The following BEND3 variants were observed in gnomAD, a reference collection of about 807,000 sequenced individuals.
BEND3 encodes BEN domain containing 3, also known as BEN domain-containing protein 3.
Under a neutral mutation model 60.1 loss-of-function variants are expected in BEND3, and 13 were observed. The observed-to-expected ratio is 0.22, with a 90% confidence interval of 0.14 to 0.34. BEND3 has a LOEUF of 0.34. BEND3 is among the 10% of genes least tolerant of loss of function. The probability of loss-of-function intolerance (pLI) is 1.00; values close to 1 mark genes in which losing one functional copy is unlikely to be tolerated. For synonymous variants in BEND3, 497 were observed against 491.5 expected (o/e 1.01, Z -0.15); for missense variants, 896 against 1,138.1 (o/e 0.79, Z 3.06).
intron 3 of BEND3, among the ~76,000 whole-genome samples, chr6:107,089,492 A>G (rs1282194387): frequency 1.3e-5 from 2 of 151,034 alleles, no homozygotes; most frequent in Non-Finnish European, 3.0e-5. Flanking sequence ...AGTCTGAGGC[A>G]GGAGAATGGT....
At chr6:107,071,737 T>C (rs7775862) in intron 3 of BEND3, among the ~76,000 whole-genome samples, 6,029 of 151,666 alleles carry the variant, frequency 0.04, 441 homozygotes, top group African/African-American at 0.14. Flanking sequence ...AAAGTACTCA[T>C]GATAAATCTC....
chr6:107,100,395 G>C (rs1255552424), intron 1 of BEND3, among the ~76,000 whole-genome samples: 3 of 152,128 alleles, frequency 2.0e-5, no homozygotes, highest in Non-Finnish European at 4.4e-5. Context: ...TGCCTCCCGA[G>C]TAGCTGGGAC....
At chr6:107,075,514 T>A (rs1562301596) in intron 3 of BEND3, among the ~76,000 whole-genome samples, 1 of 152,222 alleles carries the variant, frequency 6.6e-6, no homozygotes, top group Admixed American at 6.5e-5. Flanking sequence ...GGCAATTTAT[T>A]CACCATTTAG....
In BEND3 at chr6:107,067,452, A is replaced by G. The variant is rs1554230994; in HGVS notation, c.*1252T>C. On this transcript the variant is annotated 3_prime_UTR_variant, in exon 4 of 4. Coordinates refer to ENST00000369042, the MANE Select transcript of BEND3 (RefSeq NM_001367314.1). ...TGCAGCTGGCCTGCAGGAGCCTGAC[A>G]TTCCCAGTCGGGAGGGAACGAAGAC... The G allele has an allele frequency of 1.3e-5, 2 of 152,270 alleles. No homozygotes were observed. The highest frequency in any genetic ancestry group is 4.8e-5 in the African/African-American group (2 of 41,466). The allele number at this position is 152,270 out of a possible 1,614,324, so 9.4% of individuals were successfully genotyped here. A position where few individuals can be genotyped will look rare whatever the true frequency, so the allele number is the denominator to read the frequency against.
At chr6:107,110,623 C>G (rs1472365482) in intron 1 of BEND3, among the ~76,000 whole-genome samples, 1 of 152,072 alleles carries the variant, frequency 6.6e-6, no homozygotes, top group Non-Finnish European at 1.5e-5. Context: ...CAGTGTGGCA[C>G]GATCTTGGCT....
At chr6:107,084,096 C>A (rs79784322) in intron 3 of BEND3, among the ~76,000 whole-genome samples, 1 of 152,134 alleles carries the variant, frequency 6.6e-6, no homozygotes, top group South Asian at 2.1e-4. Flanking sequence ...CCCGTAAGAC[C>A]GGTAAGGTCA....
Position 107,070,243 on chromosome 6 carries a change from G to C in BEND3, c.948C>G (p.Pro316=), listed in dbSNP as rs372113891. Residue 316 remains proline, a synonymous_variant, in exon 4 of 4, where the codon CCC becomes CCG. Coordinates refer to ENST00000369042, the MANE Select transcript of BEND3 (RefSeq NM_001367314.1). The surrounding 1 kb of genome is among the most constrained non-coding windows in gnomAD (Gnocchi z 6.9). ...GCCACACAGCCGTGTCCTTCACCGA[G>C]GGGTAGTAGACCTCCACATAGTTGC... The part of the protein sequence containing the change: ...LIRNYVEVYY[P]SVKDTAVWQA... 4.3e-6 allele frequency: 7 copies of C among 1,612,904 alleles called. No homozygotes were observed. The African/African-American group carries it at 6.7e-5, about 15-fold the overall frequency.
chr6:107,101,715 G>A (rs1562314706), intron 1 of BEND3, among the ~76,000 whole-genome samples: 1 of 152,134 alleles, frequency 6.6e-6, no homozygotes, highest in Non-Finnish European at 1.5e-5. Flanking sequence ...CCTCACTTTG[G>A]ATCGCCATCA....
At position 107,066,955 on chromosome 6, in the gene BEND3, G is replaced by C. The variant is rs1474377804; in HGVS notation, c.*1749C>G. ...TTTAGTAAGCAGTGCGTGTGTGCAT[G>C]AGTAGCTGTGTAAGACAGAGAGTCA... On this transcript the variant is annotated 3_prime_UTR_variant, in exon 4 of 4. Coordinates refer to ENST00000369042, the MANE Select transcript of BEND3 (RefSeq NM_001367314.1). 1 of 152,186 alleles carries C rather than the reference G, an allele frequency of 6.6e-6. No individual in the cohort carries two copies. The highest frequency in any genetic ancestry group is 2.4e-5 in the African/African-American group (1 of 41,428). 9.4% of individuals were successfully genotyped at this position (152,186 alleles called of 1,614,324 possible).
Position 107,080,002 on chromosome 6 carries a change from A to G in BEND3, c.241-9052T>C, listed in dbSNP as rs568260378. Among the ~76,000 whole-genome samples the G allele has an allele frequency of 2.6e-5, 4 of 151,840 alleles. No individual in the cohort carries two copies. In the South Asian group the frequency reaches 8.3e-4, roughly 32 times the overall value. Reference sequence around the variant, plus strand: ...CGCCTCGGCCTCCCAAAACGCTAGGATTACAGGTATGAGCCACCACGCCTC... The same window carrying G: ...CGCCTCGGCCTCCCAAAACGCTAGGGTTACAGGTATGAGCCACCACGCCTC... On this transcript the variant is annotated intron_variant, in intron 3 of 3. Transcript: ENST00000369042.
At chr6:107,100,897 G>C (rs1775689340) in intron 1 of BEND3, among the ~76,000 whole-genome samples, 1 of 152,110 alleles carries the variant, frequency 6.6e-6, no homozygotes, top group South Asian at 2.1e-4. Flanking sequence ...GCAGGACCAA[G>C]AAGTATCTCT....
chr6:107,078,919 G>C (rs1775161129), intron 3 of BEND3, among the ~76,000 whole-genome samples: 1 of 152,016 alleles, frequency 6.6e-6, no homozygotes, highest in Admixed American at 6.5e-5. Flanking sequence ...GGTGAGGACA[G>C]GCACTCCTGC....
At chr6:107,100,184 T>C (rs1222070304) in intron 1 of BEND3, among the ~76,000 whole-genome samples, 5 of 151,806 alleles carry the variant, frequency 3.3e-5, no homozygotes, top group Non-Finnish European at 7.4e-5. Flanking sequence ...AATTGCTTTA[T>C]ATTGATTACA....
At position 107,069,667 on chromosome 6, in the gene BEND3, G is replaced by C. The variant is rs1554231552; in HGVS notation, c.1524C>G (p.Ile508Met). 6.2e-7 allele frequency: 1 copy of C among 1,609,826 alleles called. No individual in the cohort carries two copies. The highest frequency in any genetic ancestry group is 1.1e-5 in the South Asian group (1 of 91,090). Reference sequence around the variant, plus strand: ...AGCTGTCCTCCACCTTGACCACTGAGATGTCGTCGGGCAGACTGGAGGAGT... The same window carrying C: ...AGCTGTCCTCCACCTTGACCACTGACATGTCGTCGGGCAGACTGGAGGAGT... ...CYDSSSLPDD[I>M]SVVKVEDSFE... is the part of the protein sequence containing the mutation. The change falls in exon 4 of 4, where the codon ATC (isoleucine) becomes ATG (methionine). Residue 508 changes from isoleucine (I) to methionine (M), a missense_variant. Around this residue, in one of 4 missense-constraint regions of BEND3, gnomAD observed 846 missense variants for 1,036.7 expected, o/e 0.82. Transcript: ENST00000369042.
intron 1 of BEND3, among the ~76,000 whole-genome samples, chr6:107,103,025 C>T (rs1775733177): frequency 6.6e-6 from 1 of 152,174 alleles, no homozygotes; most frequent in South Asian, 2.1e-4. Context: ...TCTGATGAAC[C>T]ATGGGCCTGT....
At chr6:107,109,672 G>A (rs1323973748) in intron 1 of BEND3, among the ~76,000 whole-genome samples, 12 of 152,012 alleles carry the variant, frequency 7.9e-5, no homozygotes, top group Admixed American at 6.6e-5. Flanking sequence ...TCAGGAGTTC[G>A]AGACCAGCCT....
chr6:107,084,145 G>A (rs1036964157), intron 3 of BEND3, among the ~76,000 whole-genome samples: 8 of 152,316 alleles, frequency 5.3e-5, no homozygotes, highest in African/African-American at 1.9e-4. Flanking sequence ...CGAAACAGAC[G>A]GGTGAGTACA....
intron 3 of BEND3, among the ~76,000 whole-genome samples, chr6:107,088,001 A>T (rs1775392564): frequency 6.7e-6 from 1 of 148,908 alleles, no homozygotes; most frequent in Admixed American, 6.7e-5. Context: ...ATAGAAATGA[A>T]GAGCCCTTTT....
rs913489228 is a variant in BEND3, at chr6:107,070,157, A to C, written c.1034T>G (p.Met345Arg). The change falls in exon 4 of 4, where the codon ATG (methionine) becomes AGG (arginine). Residue 345 changes from methionine to arginine, a missense_variant. Met to Arg is a moderately conservative substitution (Grantham distance 91). Coordinates refer to ENST00000369042, the MANE Select transcript of BEND3 (RefSeq NM_001367314.1). The surrounding 1 kb of genome is among the most constrained non-coding windows in gnomAD (Gnocchi z 6.9). The part of the protein sequence containing the change: ...FFSRFWAQRE[M>R]EDSQPSGQVA... ...CTGGCCGCTGGGCTGGCTGTCCTCCATTTCCCGCTGGGCCCAGAAGCGGCT... is the reference window on the plus strand; with the variant it reads ...CTGGCCGCTGGGCTGGCTGTCCTCCCTTTCCCGCTGGGCCCAGAAGCGGCT... The C allele has an allele frequency of 1.9e-6, 3 of 1,612,766 alleles. No individual in the cohort carries two copies. The highest frequency in any genetic ancestry group is 1.3e-5 in the African/African-American group (1 of 74,894).
Sources: allele counts gnomAD v4.1 joint callset (sites outside exome capture counted in the v4.1 genomes callset), GRCh38; gene constraint gnomAD v4.1.1; regional missense constraint gnomAD v4.1.1; non-coding constraint Gnocchi (gnomAD v3.1); transcripts MANE v1.5; gene names NCBI Gene and HGNC (gene_info 2026-07-23, HGNC 2026-07-21).